AGPAT3: variants seen among roughly 807,000 people sequenced by gnomAD.
The protein encoded by AGPAT3 is 1-acylglycerol-3-phosphate O-acyltransferase 3, also known as 1-acyl-sn-glycerol-3-phosphate acyltransferase gamma.
Under a neutral mutation model 47.3 loss-of-function variants are expected in AGPAT3, and 5 were observed. The ratio of observed to expected loss-of-function variants is 0.11; its 90% CI spans 0.06 to 0.22. The LOEUF is 0.22. Ranked by LOEUF, AGPAT3 falls within the 10% of genes least tolerant of loss-of-function variation. The pLI is 1.00. For missense variants in AGPAT3, 315 were observed against 493.0 expected, an observed-to-expected ratio of 0.64 and a Z score of 3.42; for synonymous variants, 212 against 208.3, an observed-to-expected ratio of 1.02 and a Z score of -0.15.
chr21:43,926,527 G>A (rs1231476297), intron 2 of AGPAT3, among the ~76,000 whole-genome samples: 1 of 152,102 alleles, frequency 6.6e-6, no homozygotes, highest in African/African-American at 2.4e-5. Context: ...ACGCGTGCAC[G>A]AGAGGAGCCC....
At chr21:43,894,674 A>G (rs1336217714) in intron 1 of AGPAT3, among the ~76,000 whole-genome samples, 2 of 152,098 alleles carry the variant, frequency 1.3e-5, no homozygotes, top group African/African-American at 4.8e-5. Context: ...TCTAGGTCTT[A>G]CTTCTTTTAT....
intron 8 of AGPAT3, among the ~76,000 whole-genome samples, chr21:43,978,848 TACTC>T (rs953147808): frequency 6.6e-6 from 1 of 152,234 alleles, no homozygotes; most frequent in African/African-American, 2.4e-5. Context: ...CCCCACGGCT[TACTC>T]AGCCCAAGAA....
chr21:43,921,759 G>C (rs1041454107), intron 2 of AGPAT3, among the ~76,000 whole-genome samples: 1 of 152,116 alleles, frequency 6.6e-6, no homozygotes, highest in Non-Finnish European at 1.5e-5. Flanking sequence ...TTGTTAATCA[G>C]TAATTAGCTC....
intron 2 of AGPAT3, among the ~76,000 whole-genome samples, chr21:43,915,832 T>G (rs980481166): frequency 2.6e-5 from 4 of 152,286 alleles, no homozygotes; most frequent in Non-Finnish European, 5.9e-5. Context: ...ATTAATTCCT[T>G]CAGTTACTTT....
At position 43,970,524 on chromosome 21, in the gene AGPAT3, TA is replaced by T; in HGVS notation, c.511-126del. 1.0e-6 allele frequency: 1 copy of T among 971,108 alleles called. No homozygotes were observed. 60.2% of individuals were successfully genotyped at this position (971,108 alleles called of 1,614,324 possible). A position where few individuals can be genotyped will look rare whatever the true frequency, so the allele number is the denominator to read the frequency against. ...TTCAGTCATAACCCATGCTGCTCGC[TA>T]AAGCGGTTCCAAGATTTCCACAAAT... On this transcript the variant is annotated intron_variant, in intron 5 of 9. Coordinates refer to ENST00000291572, the MANE Select transcript of AGPAT3 (RefSeq NM_020132.5). The surrounding 1 kb of genome is among the most constrained non-coding windows in gnomAD (Gnocchi z 5.8).
intron 2 of AGPAT3, among the ~76,000 whole-genome samples, chr21:43,928,174 A>C (rs1302746886): frequency 6.6e-6 from 1 of 152,204 alleles, no homozygotes; most frequent in African/African-American, 2.4e-5. Flanking sequence ...TCCGCTGCAC[A>C]ATAAGAAGCG....
intron 8 of AGPAT3, among the ~76,000 whole-genome samples, chr21:43,980,275 CAAA>C (rs1223637093): frequency 1.8e-5 from 1 of 54,654 alleles, no homozygotes; most frequent in African/African-American, 7.1e-5. Flanking sequence ...GACTCCATCT[CAAA>C]AAAAAAAAAA....
chr21:43,983,840 C>G lies in AGPAT3; in HGVS notation c.*1448C>G, dbSNP rs1028663601. ...AAAAAAACCAAAATGGGTGTTATCTCTGATATCTTGAAACCAGCGTTCTGA... is the reference window on the plus strand; with the variant it reads ...AAAAAAACCAAAATGGGTGTTATCTGTGATATCTTGAAACCAGCGTTCTGA... On this transcript the variant is annotated 3_prime_UTR_variant, in exon 10 of 10. Transcript: ENST00000291572. 1 of 152,246 alleles carries G rather than the reference C, an allele frequency of 6.6e-6. No individual in the cohort carries two copies. The highest frequency in any genetic ancestry group is 1.5e-5 in the Non-Finnish European group (1 of 68,032). 9.4% of individuals were successfully genotyped at this position (152,246 alleles called of 1,614,324 possible).
At chr21:43,887,023 G>T (rs2085993688) in intron 1 of AGPAT3, among the ~76,000 whole-genome samples, 1 of 152,206 alleles carries the variant, frequency 6.6e-6, no homozygotes, top group Non-Finnish European at 1.5e-5. Flanking sequence ...CCTCCAAACT[G>T]CTCTCAATAG....
intron 2 of AGPAT3, among the ~76,000 whole-genome samples, chr21:43,912,390 C>A (rs1424963270): frequency 1.3e-5 from 2 of 152,272 alleles, no homozygotes; most frequent in Non-Finnish European, 2.9e-5. Context: ...ATGGCGCAGA[C>A]CTAGCGAGGA....
chr21:43,897,642 G>A (rs1322131004), intron 1 of AGPAT3, among the ~76,000 whole-genome samples: 7 of 151,426 alleles, frequency 4.6e-5, no homozygotes, highest in African/African-American at 1.7e-4. Flanking sequence ...GGGCAGAGGC[G>A]CTCCTCACAT....
intron 1 of AGPAT3, among the ~76,000 whole-genome samples, chr21:43,882,030 G>A (rs1479231509): frequency 1.3e-5 from 2 of 152,258 alleles, no homozygotes; most frequent in East Asian, 3.8e-4. Context: ...TTGCACACAG[G>A]CCGGCATTTG....
chr21:43,913,258 A>G (rs2086663722), intron 2 of AGPAT3, among the ~76,000 whole-genome samples: 1 of 152,196 alleles, frequency 6.6e-6, no homozygotes, highest in Non-Finnish European at 1.5e-5. Flanking sequence ...TCATAGTCAT[A>G]TGAAGAGCAG....
intron 1 of AGPAT3, among the ~76,000 whole-genome samples, chr21:43,891,484 T>A (rs1569048621): frequency 6.6e-6 from 1 of 151,988 alleles, no homozygotes; most frequent in Non-Finnish European, 1.5e-5. Flanking sequence ...ATACAAAAAA[T>A]TAGCTGGGTG....
chr21:43,926,534 G>GC lies in AGPAT3; in HGVS notation c.-49+22520dup, dbSNP rs1417046887. 6.6e-5 allele frequency among the ~76,000 whole-genome samples: 10 copies of GC among 152,008 alleles called. No individual in the cohort carries two copies. In the South Asian group the frequency reaches 2.1e-3, roughly 32 times the overall value. The stretch of plus-strand genomic sequence containing the variant: ...CAGGGGCCACGCGTGCACGAGAGGA[G>GC]CCCCCAGCCCCCACGGCGCGTTCCT... On this transcript the variant is annotated intron_variant, in intron 2 of 9. Transcript: ENST00000291572.
Position 43,985,272 on chromosome 21 carries a change from A to T in AGPAT3, c.*2880A>T. 1 of 455,526 alleles carries T rather than the reference A, an allele frequency of 2.2e-6. No homozygotes were observed. Among genetic ancestry groups the T allele is most frequent in the African/African-American group, 2.0e-5 (1 of 50,104 alleles). 28.2% of individuals were successfully genotyped at this position (455,526 alleles called of 1,614,324 possible). On this transcript the variant is annotated 3_prime_UTR_variant, in exon 10 of 10. Transcript: ENST00000291572. ...CTGGTACTCGGCGACAGTGTACCAG[A>T]CGCGCACCCTATGTGAGGTGCTTTA...
rs563334602 is a variant in AGPAT3 at position 43,948,848 on chromosome 21, A to G, written c.-48-10786A>G. Among the ~76,000 whole-genome samples, 18 of 152,332 alleles carry G rather than the reference A, an allele frequency of 1.2e-4. No homozygotes were observed. In the South Asian group the frequency reaches 1.2e-3, roughly 11 times the overall value. On this transcript the variant is annotated intron_variant, in intron 2 of 9. Coordinates refer to ENST00000291572, the MANE Select transcript of AGPAT3 (RefSeq NM_020132.5). ...TTGACGAACGTGTAGTCAGTGCTTC[A>G]TGCACATGGGATCCAAGTCCCCAAA...
At chr21:43,914,532 T>TG (rs1302285613) in intron 2 of AGPAT3, among the ~76,000 whole-genome samples, 7 of 151,724 alleles carry the variant, frequency 4.6e-5, no homozygotes, top group African/African-American at 1.7e-4. Context: ...TGTAGAGGTT[T>TG]TTTTTGTTTT....
intron 2 of AGPAT3, chr21:43,919,773 G>A (rs114074594): frequency 6.6e-6 from 1 of 152,214 alleles, no homozygotes; most frequent in African/African-American, 2.4e-5. Flanking sequence ...GGTGTTCCCT[G>A]TTCACCACAT....
Sources: gnomAD v4.1 joint callset for allele counts (sites outside exome capture counted in the v4.1 genomes callset) on GRCh38, gnomAD v4.1.1 for gene constraint, Gnocchi (gnomAD v3.1) non-coding constraint, MANE v1.5 for transcripts, NCBI Gene and HGNC (gene_info 2026-07-23, HGNC 2026-07-21) for gene names.